MSI2: variants seen among roughly 807,000 people sequenced by gnomAD.
MSI2 encodes the protein RNA-binding protein Musashi homolog 2.
In MSI2, 17 loss-of-function variants were observed where a neutral mutation model predicts 45.6. The observed-to-expected ratio is 0.37, with a 90% CI of 0.26 to 0.56. The LOEUF (loss-of-function observed/expected upper bound fraction) is 0.56, where lower values mean the gene tolerates loss of function less well. Ranked by LOEUF, MSI2 falls within the 20% of genes least tolerant of loss-of-function variation. MSI2 has a pLI of 0.77. For synonymous variants in MSI2, 156 were observed against 158.2 expected (o/e 0.99, Z 0.11); for missense variants, 293 against 444.2 (o/e 0.66, Z 3.06).
At chr17:57,446,461 T>C (rs1434286659) in intron 6 of MSI2, among the ~76,000 whole-genome samples, 1 of 152,212 alleles carries the variant, frequency 6.6e-6, no homozygotes, top group Non-Finnish European at 1.5e-5. Context: ...AGTGGGATGT[T>C]CTGTCCCTGC....
chr17:57,555,366 C>A (rs947117806), intron 7 of MSI2, among the ~76,000 whole-genome samples: 2 of 152,190 alleles, frequency 1.3e-5, no homozygotes, highest in African/African-American at 4.8e-5. Context: ...TGATTCTGGT[C>A]GTGCCAAGTT....
intron 11 of MSI2, among the ~76,000 whole-genome samples, chr17:57,657,327 G>A (rs1249094297): frequency 2.0e-5 from 3 of 152,122 alleles, no homozygotes; most frequent in Admixed American, 6.5e-5. Flanking sequence ...ATGGGGGTGC[G>A]GGTGAGGGAG....
intron 6 of MSI2, among the ~76,000 whole-genome samples, chr17:57,453,500 A>G (rs1436467549): frequency 6.6e-6 from 1 of 152,178 alleles, no homozygotes; most frequent in Non-Finnish European, 1.5e-5. Context: ...AGTCAACAGT[A>G]TCACGGAACA....
intron 7 of MSI2, among the ~76,000 whole-genome samples, chr17:57,591,202 C>A (rs1293804825): frequency 1.3e-5 from 2 of 152,186 alleles, no homozygotes; most frequent in Non-Finnish European, 2.9e-5. Flanking sequence ...GATGGGCCTT[C>A]ATGAGGCTCC....
chr17:57,667,777 G>C (rs1912478746), intron 11 of MSI2, among the ~76,000 whole-genome samples: 1 of 152,172 alleles, frequency 6.6e-6, no homozygotes, highest in Non-Finnish European at 1.5e-5. Context: ...ACCATGAGCA[G>C]ACAGCAGTCA....
chr17:57,600,804 A>T (rs953497299), intron 8 of MSI2: 1 of 152,224 alleles, frequency 6.6e-6, no homozygotes, highest in Non-Finnish European at 1.5e-5. Context: ...AATAGCTGAC[A>T]TTGGGTGGTA....
intron 10 of MSI2, among the ~76,000 whole-genome samples, chr17:57,637,722 G>C (rs1009677600): frequency 1.3e-5 from 2 of 152,208 alleles, no homozygotes; most frequent in African/African-American, 4.8e-5. Context: ...TAGTCGGACC[G>C]GGAATGATCT....
At chr17:57,481,561 T>C (rs942847030) in intron 6 of MSI2, among the ~76,000 whole-genome samples, 3 of 152,240 alleles carry the variant, frequency 2.0e-5, no homozygotes, top group African/African-American at 7.2e-5. Flanking sequence ...AATTGGTAGA[T>C]TGTAGTCGAT....
chr17:57,463,047 G>T (rs752352771), intron 6 of MSI2, among the ~76,000 whole-genome samples: 6 of 152,200 alleles, frequency 3.9e-5, no homozygotes, highest in Admixed American at 6.5e-5. Context: ...AGTTTTCATC[G>T]CAACGAGTGC....
chr17:57,481,240 G>T lies in MSI2; in HGVS notation c.406-48436G>T, dbSNP rs1483917574. Among the ~76,000 whole-genome samples the T allele has an allele frequency of 2.0e-5, 3 of 152,342 alleles. No individual in the cohort carries two copies. In the East Asian group the frequency reaches 5.8e-4, roughly 29 times the overall value. The stretch of plus-strand genomic sequence containing the variant: ...TCCTTGAAGAGACTGAAGAGTAGCA[G>T]CCGGCAAGTAATGTCTTTCAAAAGG... On this transcript the variant is annotated intron_variant, in intron 6 of 13. Transcript: ENST00000284073.
At chr17:57,272,200 C>G (rs1264186574) in intron 5 of MSI2, among the ~76,000 whole-genome samples, 2 of 152,108 alleles carry the variant, frequency 1.3e-5, no homozygotes, top group Non-Finnish European at 2.9e-5. Flanking sequence ...AACAACAAAC[C>G]CTGTTTGGTT....
At chr17:57,642,840 G>T (rs868638208) in intron 10 of MSI2, among the ~76,000 whole-genome samples, 1 of 152,208 alleles carries the variant, frequency 6.6e-6, no homozygotes, top group Non-Finnish European at 1.5e-5. Context: ...GTGACTGCAT[G>T]CAGGTACTGA....
chr17:57,440,963 G>A (rs574458387), intron 6 of MSI2, among the ~76,000 whole-genome samples: 147 of 152,316 alleles, frequency 9.7e-4, no homozygotes, highest in Middle Eastern at 3.4e-3. Context: ...GGGCCATCCC[G>A]GGTGGGAGCT....
chr17:57,325,241 A>G (rs1342837202), intron 5 of MSI2, among the ~76,000 whole-genome samples: 1 of 152,232 alleles, frequency 6.6e-6, no homozygotes, highest in African/African-American at 2.4e-5. Context: ...CAATTATCAC[A>G]TGTTCTCACT....
At chr17:57,506,974 G>C (rs2086243027) in intron 6 of MSI2, among the ~76,000 whole-genome samples, 1 of 152,118 alleles carries the variant, frequency 6.6e-6, no homozygotes, top group Non-Finnish European at 1.5e-5. Flanking sequence ...AAACCTCCCT[G>C]CTGCTTGGTT....
chr17:57,448,989 A>G (rs999563751), intron 6 of MSI2: 3 of 152,210 alleles, frequency 2.0e-5, no homozygotes, highest in Non-Finnish European at 2.9e-5. Flanking sequence ...TAAATGTTCA[A>G]ATGTTTAATA....
At chr17:57,277,254 C>T (rs903371371) in intron 5 of MSI2, among the ~76,000 whole-genome samples, 4 of 152,108 alleles carry the variant, frequency 2.6e-5, no homozygotes, top group South Asian at 2.1e-4. Context: ...GGCGGAGTTA[C>T]GCCACGTTGG....
At position 57,552,021 on chromosome 17, in the gene MSI2, G is replaced by A. The variant is rs1320724584; in HGVS notation, c.454+22297G>A. Among the ~76,000 whole-genome samples the A allele has an allele frequency of 6.6e-6, 1 of 152,170 alleles. No individual in the cohort carries two copies. Among genetic ancestry groups the A allele is most frequent in the East Asian group, 1.9e-4 (1 of 5,182 alleles). ...TGCCTCCTACTCCACTTGCTGCATAGAGGGGTTTTCTGGAACAGAGAATGT... is the reference window on the plus strand; with the variant it reads ...TGCCTCCTACTCCACTTGCTGCATAAAGGGGTTTTCTGGAACAGAGAATGT... On this transcript the variant is annotated intron_variant, in intron 7 of 13. Transcript: ENST00000284073. This position sits in a 1 kb window ranked among gnomAD's most constrained non-coding sequence, Gnocchi z 4.3.
intron 11 of MSI2, among the ~76,000 whole-genome samples, chr17:57,654,535 A>G (rs1184688413): frequency 6.6e-6 from 1 of 152,190 alleles, no homozygotes; most frequent in Non-Finnish European, 1.5e-5. Flanking sequence ...CGAAGACCAC[A>G]AAGACTCACT....
Sources: allele counts gnomAD v4.1 joint callset (sites outside exome capture counted in the v4.1 genomes callset), GRCh38; gene constraint gnomAD v4.1.1; non-coding constraint Gnocchi (gnomAD v3.1); transcripts MANE v1.5; gene names NCBI Gene and HGNC (gene_info 2026-07-23, HGNC 2026-07-21).